ARHGAP26: variants seen among roughly 807,000 people sequenced by gnomAD.
ARHGAP26 encodes the protein rho GTPase-activating protein 26.
ARHGAP26 carries 38 observed loss-of-function variants against 104.8 expected under a neutral mutation model. The ratio of observed to expected loss-of-function variants is 0.36; its 90% CI spans 0.28 to 0.48. The LOEUF (loss-of-function observed/expected upper bound fraction) is 0.48. Ranked by LOEUF, ARHGAP26 falls within the 20% of genes least tolerant of loss-of-function variation. The pLI is 0.99. For synonymous variants in ARHGAP26, 341 were observed against 340.0 expected, an observed-to-expected ratio of 1.00 and a Z score of -0.03; for missense variants, 704 against 947.9, an observed-to-expected ratio of 0.74 and a Z score of 3.38.
At chr5:142,799,985 G>A (rs993694817) in intron 1 of ARHGAP26, among the ~76,000 whole-genome samples, 1 of 152,232 alleles carries the variant, frequency 6.6e-6, no homozygotes, top group African/African-American at 2.4e-5. Context: ...CTGGCCTGAT[G>A]TAGTGGGACA....
At chr5:143,072,760 A>AGACT (rs1482097781) in intron 17 of ARHGAP26, among the ~76,000 whole-genome samples, 1 of 152,246 alleles carries the variant, frequency 6.6e-6, no homozygotes. Flanking sequence ...AAGTTACTAG[A>AGACT]GACTGGTAAG....
intron 1 of ARHGAP26, among the ~76,000 whole-genome samples, chr5:142,821,727 T>C (rs1319332449): frequency 6.6e-6 from 1 of 152,182 alleles, no homozygotes; most frequent in Non-Finnish European, 1.5e-5. Context: ...CCCTTCCCAT[T>C]TGGTGACAAT....
At chr5:142,775,257 T>C (rs1162805868) in intron 1 of ARHGAP26, among the ~76,000 whole-genome samples, 1 of 152,226 alleles carries the variant, frequency 6.6e-6, no homozygotes, top group Non-Finnish European at 1.5e-5. Flanking sequence ...TACATTCTGC[T>C]CAGCACTTGG....
chr5:143,104,617 G>C (rs1165522945), intron 17 of ARHGAP26, among the ~76,000 whole-genome samples: 2 of 152,140 alleles, frequency 1.3e-5, no homozygotes, highest in Non-Finnish European at 2.9e-5. Flanking sequence ...TGTGTACATA[G>C]AGATTCACTG....
At chr5:142,875,385 G>A (rs1755937650) in intron 3 of ARHGAP26, among the ~76,000 whole-genome samples, 1 of 152,156 alleles carries the variant, frequency 6.6e-6, no homozygotes, top group South Asian at 2.1e-4. Flanking sequence ...GTTAAATGAT[G>A]TCCTTCTGAA....
intron 20 of ARHGAP26, among the ~76,000 whole-genome samples, chr5:143,167,270 C>G (rs1284216732): frequency 6.8e-6 from 1 of 145,994 alleles, no homozygotes; most frequent in African/African-American, 2.6e-5. Flanking sequence ...AGTTTGAGAC[C>G]AGCCTGGCCA....
chr5:143,089,609 G>T (rs2150514639), intron 17 of ARHGAP26, among the ~76,000 whole-genome samples: 1 of 152,310 alleles, frequency 6.6e-6, no homozygotes, highest in East Asian at 1.9e-4. Flanking sequence ...CAAGCCATCT[G>T]GCTAGTGGCC....
chr5:142,887,431 T>C (rs1757871627), intron 5 of ARHGAP26, among the ~76,000 whole-genome samples: 2 of 152,222 alleles, frequency 1.3e-5, no homozygotes, highest in South Asian at 4.1e-4. Context: ...TAACTGCTGC[T>C]CAAGTATGAA....
chr5:142,861,291 A>G lies in ARHGAP26; in HGVS notation c.155-12109A>G, dbSNP rs1753289158. ...ACTAATTAAAGAGGGGATAAAAGAA[A>G]GTGAAACCAATTTCTGGGAATGTTA... is the stretch of plus-strand genomic sequence containing the variant. On this transcript the variant is annotated intron_variant, in intron 1 of 22. Transcript: ENST00000645722. 2.0e-5 allele frequency among the ~76,000 whole-genome samples: 3 copies of G among 152,082 alleles called. No homozygotes were observed. The South Asian group carries it at 6.2e-4, about 31-fold the overall frequency.
intron 20 of ARHGAP26, among the ~76,000 whole-genome samples, chr5:143,178,851 C>T (rs1322950849): frequency 6.6e-6 from 1 of 152,008 alleles, no homozygotes; most frequent in Non-Finnish European, 1.5e-5. Flanking sequence ...CTGCTGAGCC[C>T]ACCACACCCC....
At chr5:142,773,029 G>T (rs1468467349) in intron 1 of ARHGAP26, among the ~76,000 whole-genome samples, 1 of 151,696 alleles carries the variant, frequency 6.6e-6, no homozygotes, top group Non-Finnish European at 1.5e-5. Flanking sequence ...TTCTCTCTAC[G>T]TCCAGCTCTG....
At chr5:142,819,765 A>G (rs763942960) in intron 1 of ARHGAP26, among the ~76,000 whole-genome samples, 1 of 152,240 alleles carries the variant, frequency 6.6e-6, no homozygotes, top group Admixed American at 6.5e-5. Context: ...TAGAAAATTT[A>G]CTTTCATTAT....
intron 19 of ARHGAP26, 150 bp from the exon 20 acceptor site, chr5:143,147,081 A>ATGTTGTTTT: frequency 2.0e-6 from 2 of 987,440 alleles, no homozygotes; most frequent in Non-Finnish European, 2.9e-6. Flanking sequence ...TCCCACTTTT[A>ATGTTGTTTT]ATTCTTAACC....
At chr5:142,875,483 C>G (rs1755956156) in intron 3 of ARHGAP26, among the ~76,000 whole-genome samples, 1 of 152,080 alleles carries the variant, frequency 6.6e-6, no homozygotes, top group Admixed American at 6.6e-5. Context: ...GGATTCTCTA[C>G]CAGCAGAATG....
chr5:143,144,398 T>TTTA (rs3836771), intron 19 of ARHGAP26, among the ~76,000 whole-genome samples: 9,705 of 152,068 alleles, frequency 0.064, 391 homozygotes, highest in East Asian at 0.22. Flanking sequence ...TCATTTTTTC[T>TTTA]TTATTATTAT....
At chr5:142,994,419 A>G (rs1439108962) in intron 11 of ARHGAP26, among the ~76,000 whole-genome samples, 1 of 152,234 alleles carries the variant, frequency 6.6e-6, no homozygotes, top group African/African-American at 2.4e-5. Flanking sequence ...GGCCTCATGT[A>G]GAAATCTGGA....
intron 11 of ARHGAP26, among the ~76,000 whole-genome samples, chr5:142,977,338 T>A (rs1450963988): frequency 6.6e-6 from 1 of 152,164 alleles, no homozygotes; most frequent in East Asian, 1.9e-4. Flanking sequence ...TTTGTGGCAT[T>A]GCTGGGCCAA....
chr5:142,836,810 C>A (rs985929757), intron 1 of ARHGAP26, among the ~76,000 whole-genome samples: 4 of 152,196 alleles, frequency 2.6e-5, no homozygotes, highest in African/African-American at 7.2e-5. Flanking sequence ...GGTATTATTT[C>A]ATGTATTCTT....
chr5:143,011,334 A>G (rs1382983353), intron 11 of ARHGAP26, among the ~76,000 whole-genome samples: 3 of 112,284 alleles, frequency 2.7e-5, no homozygotes, highest in African/African-American at 1.1e-4. Flanking sequence ...TACTTTCTCC[A>G]ATGTACTTAT....
Sources: allele counts gnomAD v4.1 joint callset (sites outside exome capture counted in the v4.1 genomes callset), GRCh38; gene constraint gnomAD v4.1.1; transcripts MANE v1.5; gene names NCBI Gene and HGNC (gene_info 2026-07-23, HGNC 2026-07-21).